The following VTI1A variants were observed in gnomAD, a reference collection of about 807,000 sequenced individuals.
The protein encoded by VTI1A is vesicle transport through interaction with t-SNAREs homolog 1A.
VTI1A carries 22 observed loss-of-function variants against 34.9 expected under a neutral mutation model. That is an observed-to-expected ratio of 0.63 (90% CI 0.45 to 0.90). VTI1A has a LOEUF of 0.90. Among genes scored for constraint, VTI1A ranks in the 40% least tolerant of loss-of-function variants. VTI1A has a pLI of 0.00. For synonymous variants in VTI1A, 87 were observed against 97.3 expected (o/e 0.89, Z 0.62); for missense variants, 268 against 275.6 (o/e 0.97, Z 0.20).
At chr10:112,688,360 C>T (rs1000597499) in intron 7 of VTI1A, among the ~76,000 whole-genome samples, 1 of 151,926 alleles carries the variant, frequency 6.6e-6, no homozygotes, top group Non-Finnish European at 1.5e-5. Context: ...CATAACCTAC[C>T]CCATCTACAA....
intron 3 of VTI1A, among the ~76,000 whole-genome samples, chr10:112,487,069 A>G (rs537580201): frequency 1.3e-5 from 2 of 152,266 alleles, no homozygotes; most frequent in Admixed American, 6.5e-5. Flanking sequence ...AGGCATATAT[A>G]TCTTATAAAT....
At chr10:112,791,321 G>T (rs374732082) in intron 7 of VTI1A, among the ~76,000 whole-genome samples, 2 of 152,110 alleles carry the variant, frequency 1.3e-5, no homozygotes, top group Admixed American at 1.3e-4. Flanking sequence ...TAACCACTTG[G>T]ATATCAGAAA....
intron 7 of VTI1A, among the ~76,000 whole-genome samples, chr10:112,681,841 T>G (rs569268310): frequency 6.6e-6 from 1 of 152,334 alleles, no homozygotes; most frequent in South Asian, 2.1e-4. Context: ...CAAAGAATGT[T>G]GGCAGAGTAC....
chr10:112,535,827 G>A (rs879288618), intron 4 of VTI1A, among the ~76,000 whole-genome samples: 4 of 152,168 alleles, frequency 2.6e-5, no homozygotes, highest in Non-Finnish European at 5.9e-5. Context: ...GTACAACTAA[G>A]GGAACAATGT....
intron 7 of VTI1A, among the ~76,000 whole-genome samples, chr10:112,692,095 T>C (rs1848634635): frequency 6.6e-6 from 1 of 152,244 alleles, no homozygotes. Context: ...CATTAGTCTT[T>C]TAAATGTTAC....
chr10:112,627,954 C>T (rs1220539306), intron 5 of VTI1A, among the ~76,000 whole-genome samples: 1 of 152,144 alleles, frequency 6.6e-6, no homozygotes, highest in African/African-American at 2.4e-5. Flanking sequence ...GATATTTAGG[C>T]AGAGAACAGA....
At chr10:112,607,211 C>T (rs921527638) in intron 5 of VTI1A, among the ~76,000 whole-genome samples, 11 of 151,450 alleles carry the variant, frequency 7.3e-5, no homozygotes, top group Admixed American at 2.0e-4. Flanking sequence ...CACTTGAACC[C>T]GGGAGGCAGA....
downstream of VTI1A, among the ~76,000 whole-genome samples, chr10:112,822,917 A>G (rs1035469781): frequency 1.6e-4 from 24 of 152,344 alleles, no homozygotes; most frequent in African/African-American, 5.8e-4. Flanking sequence ...AAGAAAAGAA[A>G]GAAGGTAGTC....
Position 112,638,494 on chromosome 10 carries a change from T to C in VTI1A, c.428-29724T>C, listed in dbSNP as rs186411406. ...TAGCAATCCCCTAAATATTTATTTATCTTATAACAACACCCTAAGTATTTG... is the reference window on the plus strand; with the variant it reads ...TAGCAATCCCCTAAATATTTATTTACCTTATAACAACACCCTAAGTATTTG... On this transcript the variant is annotated intron_variant, in intron 5 of 7. Coordinates refer to ENST00000393077, the MANE Select transcript of VTI1A (RefSeq NM_145206.4). 6.0e-4 allele frequency among the ~76,000 whole-genome samples: 92 copies of C among 152,320 alleles called. 1 individual carries two copies. The highest frequency in any genetic ancestry group is 2.2e-3 in the African/African-American group (90 of 41,576).
chr10:112,718,580 G>C (rs561062343), intron 7 of VTI1A, among the ~76,000 whole-genome samples: 14 of 152,130 alleles, frequency 9.2e-5, no homozygotes, highest in Non-Finnish European at 2.1e-4. Context: ...GGATATATAA[G>C]CACTGAATTG....
At chr10:112,847,862 G>C in the VTI1A span, among the ~76,000 whole-genome samples, 1 of 152,140 alleles carries the variant, frequency 6.6e-6, no homozygotes, top group Non-Finnish European at 1.5e-5. Flanking sequence ...TTGGGTGCCA[G>C]ACACTGTGCC....
In VTI1A at chr10:112,805,089, T is replaced by C. The variant is rs970491703; in HGVS notation, c.561-10201T>C. 7.9e-5 allele frequency among the ~76,000 whole-genome samples: 12 copies of C among 151,720 alleles called. No individual in the cohort carries two copies. The South Asian group carries it at 2.5e-3, about 32-fold the overall frequency. Reference sequence around the variant, plus strand: ...CCATGTTGCCCAGGCTGGTCTCAAATTCCTGCCCTCAAGCGATCCTCCCAC... The same window carrying C: ...CCATGTTGCCCAGGCTGGTCTCAAACTCCTGCCCTCAAGCGATCCTCCCAC... On this transcript the variant is annotated intron_variant, in intron 7 of 7. Coordinates refer to ENST00000393077, the MANE Select transcript of VTI1A (RefSeq NM_145206.4).
chr10:112,728,712 A>G (rs1243392466), intron 7 of VTI1A, among the ~76,000 whole-genome samples: 1 of 152,206 alleles, frequency 6.6e-6, no homozygotes, highest in Non-Finnish European at 1.5e-5. Flanking sequence ...GGCTACCCCT[A>G]GTGTTCTCGG....
At chr10:112,666,103 A>AAAAG (rs1223562116) in intron 5 of VTI1A, among the ~76,000 whole-genome samples, 1 of 152,166 alleles carries the variant, frequency 6.6e-6, no homozygotes, top group Non-Finnish European at 1.5e-5. Context: ...GTTGTGCAAG[A>AAAAG]AAAGAAAAAA....
chr10:112,591,735 C>G (rs1235124262), intron 5 of VTI1A, among the ~76,000 whole-genome samples: 1 of 152,174 alleles, frequency 6.6e-6, no homozygotes, highest in Non-Finnish European at 1.5e-5. Flanking sequence ...GATTACCTGA[C>G]TTGGTGGGCA....
At chr10:112,766,712 A>G (rs1348415210) in intron 7 of VTI1A, among the ~76,000 whole-genome samples, 1 of 152,254 alleles carries the variant, frequency 6.6e-6, no homozygotes, top group East Asian at 1.9e-4. Flanking sequence ...TGATGACTTT[A>G]GCAAGGGTGC....
chr10:112,494,286 T>G (rs1360117046), intron 3 of VTI1A, among the ~76,000 whole-genome samples: 2 of 152,116 alleles, frequency 1.3e-5, no homozygotes, highest in African/African-American at 4.8e-5. Flanking sequence ...CTGTAACAAA[T>G]GTCTCCTCTT....
rs1851793172 is a variant in VTI1A, at chr10:112,770,802, C to T, written c.561-44488C>T. Reference sequence around the variant, plus strand: ...TAGAAATATCTCCTTAAAACTCACCCAGTAGGTTTCTTCCTAACAAAAGTT... The same window carrying T: ...TAGAAATATCTCCTTAAAACTCACCTAGTAGGTTTCTTCCTAACAAAAGTT... On this transcript the variant is annotated intron_variant, in intron 7 of 7. Coordinates refer to ENST00000393077, the MANE Select transcript of VTI1A (RefSeq NM_145206.4). Among the ~76,000 whole-genome samples, 3 of 152,032 alleles carry T rather than the reference C, an allele frequency of 2.0e-5. No individual in the cohort carries two copies. In the South Asian group the frequency reaches 6.2e-4, roughly 32 times the overall value.
At chr10:112,768,471 A>G (rs550519908) in intron 7 of VTI1A, among the ~76,000 whole-genome samples, 50 of 152,288 alleles carry the variant, frequency 3.3e-4, no homozygotes, top group African/African-American at 1.1e-3. Flanking sequence ...AACATTTGGT[A>G]TTCCCCCATG....
Sources: allele counts gnomAD v4.1 joint callset (sites outside exome capture counted in the v4.1 genomes callset), GRCh38; gene constraint gnomAD v4.1.1; transcripts MANE v1.5; gene names NCBI Gene and HGNC (gene_info 2026-07-23, HGNC 2026-07-21).